Variants in TUSC3 observed in about 807,000 individuals in gnomAD.
TUSC3 encodes the protein tumor suppressor candidate 3, also known as dolichyl-diphosphooligosaccharide--protein glycosyltransferase subunit TUSC3.
A neutral mutation model predicts 44.8 loss-of-function variants in TUSC3; 45 were observed. That is an observed-to-expected ratio of 1.00 (90% CI 0.79 to 1.29). The LOEUF (loss-of-function observed/expected upper bound fraction) is 1.29, where lower values mean the gene tolerates loss of function less well. TUSC3 is among the 50% of genes most tolerant of loss of function. The pLI is 0.00. For missense variants in TUSC3, 519 were observed against 437.9 expected, an observed-to-expected ratio of 1.19 and a Z score of -1.65; for synonymous variants, 212 against 152.9, an observed-to-expected ratio of 1.39 and a Z score of -2.85.
At chr8:15,445,736 C>T (rs1585792502) in intron 1 of TUSC3, among the ~76,000 whole-genome samples, 1 of 152,342 alleles carries the variant, frequency 6.6e-6, no homozygotes, top group African/African-American at 2.4e-5. Context: ...GACACAGTAA[C>T]AATCTGATCT....
intron 1 of TUSC3, among the ~76,000 whole-genome samples, chr8:15,455,914 C>T (rs1049575012): frequency 1.3e-5 from 2 of 152,184 alleles, no homozygotes; most frequent in African/African-American, 4.8e-5. Context: ...CCATTTATTC[C>T]TGCAGATAAC....
intron 1 of TUSC3, among the ~76,000 whole-genome samples, chr8:15,420,340 TA>T (rs929295817): frequency 6.2e-4 from 93 of 150,748 alleles, no homozygotes; most frequent in Admixed American, 4.2e-3. Flanking sequence ...CTACTAAAAA[TA>T]AAAAAAAATT....
the TUSC3 span, among the ~76,000 whole-genome samples, chr8:15,846,838 T>G: frequency 6.7e-6 from 1 of 149,912 alleles, no homozygotes; most frequent in Admixed American, 6.7e-5. Context: ...CTGCATGTTC[T>G]GCACATATAT....
At chr8:15,508,128 ACT>A (rs1322969289) in intron 2 of TUSC3, among the ~76,000 whole-genome samples, 1 of 152,048 alleles carries the variant, frequency 6.6e-6, no homozygotes, top group Non-Finnish European at 1.5e-5. Flanking sequence ...AGTCCCAGCT[ACT>A]CAGGAACGTG....
At chr8:15,590,655 A>G (rs1320781838) in intron 1 of TUSC3, among the ~76,000 whole-genome samples, 1 of 151,048 alleles carries the variant, frequency 6.6e-6, no homozygotes, top group Non-Finnish European at 1.5e-5. Flanking sequence ...TTTATTTATT[A>G]TTATTATTGG....
rs572232823 is a variant in TUSC3, at chr8:15,424,297, CAG to C, written n.91+6993_91+6994del. On this transcript the variant is annotated intron_variant and non_coding_transcript_variant, in intron 1 of 5. Transcript: ENST00000503191. ...CAGAGAAGGTGGTCCCTGGCTGTCTCAGGAGTGTATCACCGCCCCTCAGCAAC... is the reference window on the plus strand; with the variant it reads ...CAGAGAAGGTGGTCCCTGGCTGTCTCGAGTGTATCACCGCCCCTCAGCAAC... 8.2e-3 allele frequency among the ~76,000 whole-genome samples: 1,241 copies of C among 152,026 alleles called. 9 individuals are homozygous for C. The highest frequency in any genetic ancestry group is 0.03 in the South Asian group (143 of 4,808).
chr8:15,504,617 ATATAT>A (rs1221057289), intron 2 of TUSC3, among the ~76,000 whole-genome samples: 17 of 17,358 alleles, frequency 9.8e-4, no homozygotes, highest in Non-Finnish European at 1.3e-3. Flanking sequence ...ATATATATAT[ATATAT>A]TTTTTTTTTT....
chr8:15,789,586 A>G, the TUSC3 span, among the ~76,000 whole-genome samples: 82 of 152,208 alleles, frequency 5.4e-4, no homozygotes, highest in African/African-American at 1.9e-3. Flanking sequence ...CAAAAAATAA[A>G]CAAAATCATA....
chr8:15,490,637 A>G (rs914183421), intron 2 of TUSC3, among the ~76,000 whole-genome samples: 1 of 152,194 alleles, frequency 6.6e-6, no homozygotes, highest in African/African-American at 2.4e-5. Flanking sequence ...CCTATAAAAC[A>G]TGATACATTT....
At chr8:15,449,327 C>T (rs1800162212) in intron 1 of TUSC3, among the ~76,000 whole-genome samples, 2 of 152,102 alleles carry the variant, frequency 1.3e-5, no homozygotes, top group African/African-American at 2.4e-5. Context: ...CAAAAAATGG[C>T]CGTGTTAGCA....
At chr8:15,796,818 G>A in the TUSC3 span, among the ~76,000 whole-genome samples, 1 of 152,212 alleles carries the variant, frequency 6.6e-6, no homozygotes, top group Non-Finnish European at 1.5e-5. Context: ...TGCCAGCCAA[G>A]GCTCGGTGGG....
At chr8:15,806,508 G>A in the TUSC3 span, 1 of 1,112,696 alleles carries the variant, frequency 9.0e-7, no homozygotes, top group Non-Finnish European at 1.4e-6. Flanking sequence ...ACTTTCTCAG[G>A]GTCATCAGTG....
In TUSC3 at chr8:15,527,038, A is replaced by G. The variant is rs552534703; in HGVS notation, n.189+43555A>G. Among the ~76,000 whole-genome samples the G allele has an allele frequency of 5.3e-5, 8 of 152,344 alleles. No homozygotes were observed. In the South Asian group the frequency reaches 1.7e-3, roughly 32 times the overall value. On this transcript the variant is annotated intron_variant and non_coding_transcript_variant, in intron 2 of 5. Transcript: ENST00000503191. ...GTACATGAAAAATAGAAAAGTTTGA[A>G]TAATTGATTAATCAGAATTCTTCGT...
intron 1 of TUSC3, 112 bp downstream of exon 1, chr8:15,540,680 T>C (rs1801655746): frequency 7.4e-7 from 1 of 1,352,616 alleles, no homozygotes; most frequent in Non-Finnish European, 9.7e-7. Context: ...GCGTGGGCGA[T>C]GCCGGCGCTG....
the TUSC3 span, among the ~76,000 whole-genome samples, chr8:15,777,345 A>G: frequency 6.6e-6 from 1 of 152,150 alleles, no homozygotes; most frequent in East Asian, 1.9e-4. Context: ...TGCCTCAGCA[A>G]CTTTCCTGAG....
chr8:15,753,662 C>T (rs1009617534), intron 9 of TUSC3, among the ~76,000 whole-genome samples: 1 of 151,952 alleles, frequency 6.6e-6, no homozygotes, highest in South Asian at 2.1e-4. Flanking sequence ...CTTAAATAAG[C>T]TTTCGTTTTC....
chr8:15,847,306 G>C, the TUSC3 span, among the ~76,000 whole-genome samples: 1 of 152,118 alleles, frequency 6.6e-6, no homozygotes, highest in Non-Finnish European at 1.5e-5. Context: ...GCTGCACTTG[G>C]TTAATTTCTC....
the TUSC3 span, among the ~76,000 whole-genome samples, chr8:15,824,166 G>A: frequency 0.6 from 91,879 of 152,054 alleles, 29,188 homozygotes; most frequent in Non-Finnish European, 0.73. Flanking sequence ...TCACTGCATT[G>A]TATCATAGAA....
chr8:15,696,719 C>G (rs1442738683), intron 6 of TUSC3, among the ~76,000 whole-genome samples: 1 of 152,130 alleles, frequency 6.6e-6, no homozygotes, highest in Non-Finnish European at 1.5e-5. Flanking sequence ...GATTTTAGCA[C>G]CTATGCTCAT....
Sources: allele counts gnomAD v4.1 joint callset (sites outside exome capture counted in the v4.1 genomes callset), GRCh38; gene constraint gnomAD v4.1.1; transcripts MANE v1.5; gene names NCBI Gene and HGNC (gene_info 2026-07-23, HGNC 2026-07-21).